The following GPC3 variants were observed in gnomAD, a reference collection of about 807,000 sequenced individuals.
The protein encoded by GPC3 is glypican 3.
GPC3 carries 3 observed loss-of-function variants against 34.4 expected under a neutral mutation model. The ratio of observed to expected loss-of-function variants is 0.09; its 90% CI spans 0.04 to 0.23. The LOEUF is 0.23. Among genes scored for constraint, GPC3 ranks in the 10% least tolerant of loss-of-function variants. The probability of loss-of-function intolerance (pLI) is 1.00; values close to 1 mark genes in which losing one functional copy is unlikely to be tolerated. For missense variants in GPC3, 351 were observed against 445.6 expected, an observed-to-expected ratio of 0.79 and a Z score of 1.91; for synonymous variants, 177 against 174.0, an observed-to-expected ratio of 1.02 and a Z score of -0.13.
At chrX:133,697,812 T>C (rs2071130933) in intron 4 of GPC3, among the ~76,000 whole-genome samples, 1 of 111,935 alleles carries the variant, frequency 8.9e-6, no homozygotes, top group South Asian at 3.8e-4. Context: ...TCAGAGTGGG[T>C]GGGAGTAGGC....
intron 2 of GPC3, among the ~76,000 whole-genome samples, chrX:133,941,417 G>A (rs1180787692): frequency 8.9e-6 from 1 of 112,589 alleles, no homozygotes; most frequent in Non-Finnish European, 1.9e-5. Flanking sequence ...GAGGAAGAAA[G>A]GCAATTCTGA....
intron 2 of GPC3, among the ~76,000 whole-genome samples, chrX:133,860,000 A>G (rs2075928046): frequency 2.7e-5 from 3 of 110,830 alleles, no homozygotes; most frequent in Admixed American, 9.6e-5. Context: ...TTTAGCAATC[A>G]GTTCTGGAAA....
intron 7 of GPC3, among the ~76,000 whole-genome samples, chrX:133,557,272 T>C (rs1408352148): frequency 1.8e-5 from 2 of 111,082 alleles, no homozygotes; most frequent in East Asian, 2.8e-4. Context: ...CCAGCCTGGG[T>C]GACAGAGCAA....
At chrX:133,774,141 G>A (rs1194062545) in intron 2 of GPC3, among the ~76,000 whole-genome samples, 2 of 112,252 alleles carry the variant, frequency 1.8e-5, no homozygotes, top group African/African-American at 3.2e-5. Context: ...GTTAATTGGC[G>A]GGAGAATGCT....
At chrX:133,786,393 C>T (rs373237974) in intron 2 of GPC3, among the ~76,000 whole-genome samples, 64 of 111,496 alleles carry the variant, frequency 5.7e-4, no homozygotes, top group Non-Finnish European at 5.7e-4. Context: ...GAAACTCTGC[C>T]GAAAGAAAAG....
chrX:133,916,891 GATAATA>G (rs1228028467), intron 2 of GPC3, among the ~76,000 whole-genome samples: 2 of 110,331 alleles, frequency 1.8e-5, no homozygotes, highest in Non-Finnish European at 3.8e-5. Context: ...TGATGATGAT[GATAATA>G]ATAATAATAA....
chrX:133,787,651 G>A (rs994592995), intron 2 of GPC3, among the ~76,000 whole-genome samples: 27 of 111,641 alleles, frequency 2.4e-4, no homozygotes, highest in Middle Eastern at 4.6e-3. Flanking sequence ...CTTCTATTCT[G>A]TTCTGTTCTG....
chrX:133,672,673 C>T (rs1383810326), intron 5 of GPC3, among the ~76,000 whole-genome samples: 3 of 111,755 alleles, frequency 2.7e-5, no homozygotes, highest in African/African-American at 6.5e-5. Context: ...GTTTTTGAGA[C>T]GGAGTCTTGC....
At chrX:133,738,491 A>C (rs780210562) in intron 3 of GPC3, among the ~76,000 whole-genome samples, 1 of 112,327 alleles carries the variant, frequency 8.9e-6, no homozygotes, top group African/African-American at 3.2e-5. Context: ...ATCTAAAACA[A>C]GGAGATATCA....
chrX:133,703,332 C>A (rs1374088908), intron 3 of GPC3, among the ~76,000 whole-genome samples: 1 of 111,513 alleles, frequency 9.0e-6, no homozygotes, highest in African/African-American at 3.3e-5. Flanking sequence ...TTCCATAGAC[C>A]ATGATTCCTA....
intron 7 of GPC3, among the ~76,000 whole-genome samples, chrX:133,579,761 C>T (rs752855906): frequency 1.4e-3 from 151 of 111,192 alleles, no homozygotes; most frequent in African/African-American, 4.4e-3. Context: ...GTCTCAAACT[C>T]CTGGGCTCAA....
chrX:133,625,080 A>G (rs1224765677), intron 6 of GPC3, among the ~76,000 whole-genome samples: 2 of 111,984 alleles, frequency 1.8e-5, no homozygotes, highest in Non-Finnish European at 3.8e-5. Flanking sequence ...GATTATCTCA[A>G]TAGACGCAGA....
chrX:133,920,653 G>A (rs1296200903), intron 2 of GPC3, among the ~76,000 whole-genome samples: 1 of 111,802 alleles, frequency 8.9e-6, no homozygotes, highest in East Asian at 2.8e-4. Context: ...GTAGAAATAT[G>A]CTAATCCCTA....
intron 1 of GPC3, among the ~76,000 whole-genome samples, chrX:133,969,785 T>G (rs1285498034): frequency 8.9e-6 from 1 of 111,771 alleles, no homozygotes; most frequent in Admixed American, 9.5e-5. Context: ...CCTTCCAAAA[T>G]CTGGGCCAAA....
chrX:133,838,500 T>C (rs2075809301), intron 2 of GPC3, among the ~76,000 whole-genome samples: 1 of 112,603 alleles, frequency 8.9e-6, no homozygotes, highest in African/African-American at 3.2e-5. Flanking sequence ...TGAAAGTTAT[T>C]ATCACATGTA....
chrX:133,644,782 CTT>C (rs898221382), intron 6 of GPC3, among the ~76,000 whole-genome samples: 1 of 109,814 alleles, frequency 9.1e-6, no homozygotes, highest in African/African-American at 3.3e-5. Context: ...TTTCTTCTCT[CTT>C]TTTTTTTGTT....
chrX:133,738,872 C>T (rs763100039), intron 3 of GPC3, among the ~76,000 whole-genome samples: 54 of 111,414 alleles, frequency 4.8e-4, no homozygotes, highest in Non-Finnish European at 9.0e-4. Context: ...GATTGATTCT[C>T]CTGGTTATTA....
At chrX:133,694,933 G>T (rs1200669206) in intron 4 of GPC3, among the ~76,000 whole-genome samples, 1 of 111,016 alleles carries the variant, frequency 9.0e-6, no homozygotes. Context: ...AGTATAGAAA[G>T]ATATTACCTG....
chrX:133,927,246 CT>C (rs988605996), intron 2 of GPC3, among the ~76,000 whole-genome samples: 3 of 109,878 alleles, frequency 2.7e-5, no homozygotes, highest in African/African-American at 9.9e-5. Context: ...TATTTAAGTA[CT>C]TGTTTTGAAC....
Sources: allele counts gnomAD v4.1 joint callset (sites outside exome capture counted in the v4.1 genomes callset), GRCh38; gene constraint gnomAD v4.1.1; transcripts MANE v1.5; gene names NCBI Gene and HGNC (gene_info 2026-07-23, HGNC 2026-07-21).